Variants in ELOA2 observed in about 807,000 individuals in gnomAD.
ELOA2 encodes elongin-A2.
For missense variants in ELOA2, 1,271 were observed against 979.7 expected, an observed-to-expected ratio of 1.30 and a Z score of -3.97; for synonymous variants, 497 against 398.8, an observed-to-expected ratio of 1.25 and a Z score of -2.94.
rs1429070997 is a variant in ELOA2, at chr18:47,033,434, G to A, written c.1831C>T (p.Leu611Phe). 3.7e-6 allele frequency: 6 copies of A among 1,613,808 alleles called. No individual in the cohort carries two copies. The highest frequency in any genetic ancestry group is 4.2e-6 in the Non-Finnish European group (5 of 1,180,032). ...AGCCGCTGCTCTGGGGCGTCCGGAA[G>A]CCGCAGGTACTGCTCCCTCCAAGTT... The part of the protein sequence containing the change: ...NKTWREQYLR[L>F]PDAPEQRLRV... The change falls in exon 1 of 1, where the codon CTT (leucine) becomes TTT (phenylalanine). Residue 611 changes from leucine to phenylalanine, a missense_variant. Leu to Phe is a conservative substitution (Grantham distance 22). Transcript: ENST00000332567.
Position 47,034,817 on chromosome 18 carries a change from C to G in ELOA2, c.448G>C (p.Glu150Gln). The G allele has an allele frequency of 6.2e-7, 1 of 1,612,146 alleles. No individual in the cohort carries two copies. The highest frequency in any genetic ancestry group is 8.5e-7 in the Non-Finnish European group (1 of 1,179,696). The change falls in exon 1 of 1, where the codon GAG becomes CAG. Residue 150 changes from glutamate to glutamine, a missense_variant. By Grantham distance (29) the Glu-to-Gln change is conservative. Transcript: ENST00000332567. Reference sequence around the variant, plus strand: ...GGGCACTTTCTCTCAGCTCTGGGCTCGCGACTGTGAGACCTCGGGTGAGGT... The same window carrying G: ...GGGCACTTTCTCTCAGCTCTGGGCTGGCGACTGTGAGACCTCGGGTGAGGT... The part of the protein sequence containing the change: ...QRPHPRSHSR[E>Q]PRAERKCPRI...
rs1237933015 is a variant in ELOA2 at position 47,035,414 on chromosome 18, G to A, written c.-150C>T. The A allele has an allele frequency of 4.1e-6, 6 of 1,469,120 alleles. No homozygotes were observed. In the African/African-American group the frequency reaches 5.7e-5, roughly 14 times the overall value. 91.0% of individuals were successfully genotyped at this position (1,469,120 alleles called of 1,614,324 possible). A position where few individuals can be genotyped will look rare whatever the true frequency, so the allele number is the denominator to read the frequency against. ...GGAGTCACAGCCTGGAGCGAGCTGGGTCCTCGGAGCAGCAGGCCACTTGGT... is the reference window on the plus strand; with the variant it reads ...GGAGTCACAGCCTGGAGCGAGCTGGATCCTCGGAGCAGCAGGCCACTTGGT... On this transcript the variant is annotated 5_prime_UTR_variant, in exon 1 of 1. Coordinates refer to ENST00000332567, the MANE Select transcript of ELOA2 (RefSeq NM_016427.3).
In ELOA2 at chr18:47,033,990, A is replaced by C. The variant is rs771502117; in HGVS notation, c.1275T>G (p.Asp425Glu). ...GGACAGGAGGCAATTTCTTAGCCGA[A>C]TCCCAGGACTCACGAGTGCCCTTGG... Reference protein sequence around the residue: ...NESKGTRESWDSAKKLPPVQE... With the variant: ...NESKGTRESWESAKKLPPVQE... The change falls in exon 1 of 1, where the codon GAT (aspartate) becomes GAG (glutamate). Residue 425 changes from aspartate to glutamate, a missense_variant. By Grantham distance (45) the Asp-to-Glu change is conservative. Coordinates refer to ENST00000332567, the MANE Select transcript of ELOA2 (RefSeq NM_016427.3). 2.2e-5 allele frequency: 35 copies of C among 1,613,672 alleles called. 1 individual carries two copies. The highest frequency in any genetic ancestry group is 2.8e-5 in the Non-Finnish European group (33 of 1,180,050).
rs768240059 is a variant in ELOA2 at position 47,033,915 on chromosome 18, C to T, written c.1350G>A (p.Gly450=). The change falls in exon 1 of 1, where the codon GGG becomes GGA. Residue 450 remains glycine (G), a synonymous_variant. Transcript: ENST00000332567. ...RLQAAGADSA[G]PKTVPSHVFS... Reference sequence around the variant, plus strand: ...AGACATGGCTGGGCACCGTTTTCGGCCCGGCGGAATCAGCGCCGGCCGCCT... The same window carrying T: ...AGACATGGCTGGGCACCGTTTTCGGTCCGGCGGAATCAGCGCCGGCCGCCT... 8 of 1,613,064 alleles carry T rather than the reference C, an allele frequency of 5.0e-6. No individual in the cohort carries two copies. Among genetic ancestry groups the T allele is most frequent in the Non-Finnish European group, 6.8e-6 (8 of 1,180,006 alleles).
chr18:47,033,192 G>A lies in ELOA2; in HGVS notation c.2073C>T (p.Ser691=). 1.9e-6 allele frequency: 3 copies of A among 1,614,082 alleles called. No homozygotes were observed. Among genetic ancestry groups the A allele is most frequent in the Non-Finnish European group, 2.5e-6 (3 of 1,180,034 alleles). ...TGCTGCTGCTGTCTCTGCCACCGCC[G>A]CTGCTGCTCTGGCTGGAGGGAGTGT... ...SSHTPSSQSS[S]GGGRDSSSSI... Residue 691 remains serine (S), a synonymous_variant, in exon 1 of 1, where the codon AGC becomes AGT. Coordinates refer to ENST00000332567, the MANE Select transcript of ELOA2 (RefSeq NM_016427.3).
At position 47,035,450 on chromosome 18, in the gene ELOA2, C is replaced by G. The variant is rs748203673; in HGVS notation, c.-186G>C. 320 of 1,313,266 alleles carry G rather than the reference C, an allele frequency of 2.4e-4. No individual in the cohort carries two copies. The highest frequency in any genetic ancestry group is 3.0e-4 in the Non-Finnish European group (295 of 971,632). 81.4% of individuals were successfully genotyped at this position (1,313,266 alleles called of 1,614,324 possible). Reference sequence around the variant, plus strand: ...AGCAGGCCACTTGGTCTGGAACGGCCGTCCTTGCAGACAGCTGAGCAGGCC... The same window carrying G: ...AGCAGGCCACTTGGTCTGGAACGGCGGTCCTTGCAGACAGCTGAGCAGGCC... On this transcript the variant is annotated 5_prime_UTR_variant, in exon 1 of 1. Coordinates refer to ENST00000332567, the MANE Select transcript of ELOA2 (RefSeq NM_016427.3).
Position 47,035,259 on chromosome 18 carries a change from C to T in ELOA2, c.6G>A (p.Ala2=), listed in dbSNP as rs61746775. The change falls in exon 1 of 1, where the codon GCG becomes GCA. Residue 2 remains alanine (A), a synonymous_variant. Transcript: ENST00000332567. ...CTGCGTGCAGCGTAGTGGACCCTGC[C>T]GCCATCTCACCAGAGCTGTGCAGGC... M[A]AGSTTLHAVE... is the part of the protein sequence containing the mutation. 116,517 of 1,612,590 alleles carry T rather than the reference C, an allele frequency of 0.072. 4,655 individuals carry two copies. The highest frequency in any genetic ancestry group is 0.083 in the Non-Finnish European group (97,775 of 1,179,752).
At chr18:47,033,860 AG>A in the ELOA2 span, 1 of 1,614,030 alleles carries the variant, frequency 6.2e-7, no homozygotes. Flanking sequence ...GCCTGCATCC[AG>A]GCCTCTGAGA....
In ELOA2 at chr18:47,035,398, G is replaced by A; in HGVS notation, c.-134C>T. On this transcript the variant is annotated 5_prime_UTR_variant, in exon 1 of 1. Coordinates refer to ENST00000332567, the MANE Select transcript of ELOA2 (RefSeq NM_016427.3). The stretch of plus-strand genomic sequence containing the variant: ...AGCGACCTCGGGATGTGGAGTCACA[G>A]CCTGGAGCGAGCTGGGTCCTCGGAG... 1.3e-6 allele frequency: 2 copies of A among 1,503,568 alleles called. No homozygotes were observed. Among genetic ancestry groups the A allele is most frequent in the East Asian group, 2.4e-5 (1 of 41,566 alleles). The allele number at this position is 1,503,568 out of a possible 1,614,324, so 93.1% of individuals were successfully genotyped here. A position where few individuals can be genotyped will look rare whatever the true frequency, so the allele number is the denominator to read the frequency against.
chr18:47,034,152 A>T lies in ELOA2; in HGVS notation c.1113T>A (p.Asp371Glu). 6.2e-7 allele frequency: 1 copy of T among 1,614,206 alleles called. No homozygotes were observed. The highest frequency in any genetic ancestry group is 8.5e-7 in the Non-Finnish European group (1 of 1,180,036). ...TGGGCTGCTCGAATTCCTCAGCCAT[A>T]TCTACCTCCTCCACCTCAGAGAGGG... Reference protein sequence around the residue: ...VSSLSEVEEVDMAEEFEQPTL... With the variant: ...VSSLSEVEEVEMAEEFEQPTL... Residue 371 changes from aspartate (D) to glutamate (E), a missense_variant, in exon 1 of 1, where the codon GAT (aspartate) becomes GAA (glutamate). Asp to Glu is a conservative substitution (Grantham distance 45). Transcript: ENST00000332567.
Position 47,035,036 on chromosome 18 carries a change from C to T in ELOA2, c.229G>A (p.Val77Met). 1.2e-6 allele frequency: 2 copies of T among 1,611,838 alleles called. No individual in the cohort carries two copies. The highest frequency in any genetic ancestry group is 1.7e-6 in the Non-Finnish European group (2 of 1,179,736). Residue 77 changes from valine to methionine, a missense_variant, in exon 1 of 1, where the codon GTG (valine) becomes ATG (methionine). Coordinates refer to ENST00000332567, the MANE Select transcript of ELOA2 (RefSeq NM_016427.3). Reference sequence around the variant, plus strand: ...GGCCGGGTGTTTCGGTCCACGAGCACCAGCTTCTTCCACCGGGCCGCTAAG... The same window carrying T: ...GGCCGGGTGTTTCGGTCCACGAGCATCAGCTTCTTCCACCGGGCCGCTAAG... Reference protein sequence around the residue: ...RDLAARWKKLVLVDRNTRPGP... With the variant: ...RDLAARWKKLMLVDRNTRPGP...
Position 47,034,639 on chromosome 18 carries a change from G to A in ELOA2, c.626C>T (p.Pro209Leu). Reference protein sequence around the residue: ...HAAQGGPLLCPGCQGQPQGKA... With the variant: ...HAAQGGPLLCLGCQGQPQGKA... ...CCCCTGGGGTTGGCCCTGGCAGCCT[G>A]GACACAGCAGAGGCCCGCCCTGAGC... The change falls in exon 1 of 1, where the codon CCA (proline) becomes CTA (leucine). Residue 209 changes from proline to leucine, a missense_variant. Transcript: ENST00000332567. 2 of 1,614,044 alleles carry A rather than the reference G, an allele frequency of 1.2e-6. No homozygotes were observed. The highest frequency in any genetic ancestry group is 1.7e-5 in the Admixed American group (1 of 60,030).
chr18:47,032,860 C>T lies in ELOA2; in HGVS notation c.*143G>A, dbSNP rs966303159. On this transcript the variant is annotated 3_prime_UTR_variant, in exon 1 of 1. Transcript: ENST00000332567. ...GGGAGGCAAAATCACAGGGCCAGCA[C>T]ATGACACCTGCAGAATTCAAAGGCT... 9.2e-6 allele frequency: 14 copies of T among 1,516,270 alleles called. No individual in the cohort carries two copies. The Middle Eastern group carries it at 1.2e-3, about 131-fold the overall frequency. The allele number at this position is 1,516,270 out of a possible 1,614,324, so 93.9% of individuals were successfully genotyped here.
In ELOA2 at chr18:47,033,883, T is replaced by A. The variant is rs1336613685; in HGVS notation, c.1382A>T (p.Glu461Val). The A allele has an allele frequency of 6.2e-7, 1 of 1,613,772 alleles. No homozygotes were observed. Among genetic ancestry groups the A allele is most frequent in the Admixed American group, 1.7e-5 (1 of 60,020 alleles). Residue 461 changes from glutamate to valine, a missense_variant, in exon 1 of 1, where the codon GAG becomes GTG. Transcript: ENST00000332567. ...CCAGGCCTCTGAGAGGTCCCAGAGC[T>A]CTGAGAAGACATGGCTGGGCACCGT... ...PKTVPSHVFS[E>V]LWDLSEAWMQ...
Position 47,032,663 on chromosome 18 carries a change from GAAAA to G in ELOA2, c.*336_*339del, listed in dbSNP as rs60364237. On this transcript the variant is annotated 3_prime_UTR_variant, in exon 1 of 1. Coordinates refer to ENST00000332567, the MANE Select transcript of ELOA2 (RefSeq NM_016427.3). ...AAGAAGTTCTTATCTACTTGATTTC[GAAAA>G]AAAAAAGAAAGGAAAAAGGAAATCT... 2 of 330,948 alleles carry G rather than the reference GAAAA, an allele frequency of 6.0e-6. No homozygotes were observed. The highest frequency in any genetic ancestry group is 1.1e-5 in the Non-Finnish European group (2 of 182,944). 20.5% of individuals were successfully genotyped at this position (330,948 alleles called of 1,614,324 possible).
At position 47,033,192 on chromosome 18, in the gene ELOA2, G is replaced by T. The variant is rs2060567607; in HGVS notation, c.2073C>A (p.Ser691Arg). The T allele has an allele frequency of 6.2e-7, 1 of 1,614,082 alleles. No individual in the cohort carries two copies. The highest frequency in any genetic ancestry group is 2.2e-5 in the East Asian group (1 of 44,878). The change falls in exon 1 of 1, where the codon AGC becomes AGA. Residue 691 changes from serine (S) to arginine (R), a missense_variant. Transcript: ENST00000332567. ...SSHTPSSQSS[S>R]GGGRDSSSSI... The stretch of plus-strand genomic sequence containing the variant: ...TGCTGCTGCTGTCTCTGCCACCGCC[G>T]CTGCTGCTCTGGCTGGAGGGAGTGT...
the ELOA2 span, chr18:47,033,734 T>A: frequency 6.2e-7 from 1 of 1,614,158 alleles, no homozygotes; most frequent in South Asian, 1.1e-5. Context: ...ACCGGCATCT[T>A]AGCATTCACT....
chr18:47,034,977 T>A lies in ELOA2; in HGVS notation c.288A>T (p.Arg96=). The change falls in exon 1 of 1, where the codon CGA becomes CGT. Residue 96 remains arginine (R), a synonymous_variant. Coordinates refer to ENST00000332567, the MANE Select transcript of ELOA2 (RefSeq NM_016427.3). Reference sequence around the variant, plus strand: ...CCTGAAGAGCCTCCCCGAAGCGCTGTCGGGAAGCGCTCTCCTCAGGGTCCT... The same window carrying A: ...CCTGAAGAGCCTCCCCGAAGCGCTGACGGGAAGCGCTCTCCTCAGGGTCCT... ...GPQDPEESAS[R]QRFGEALQDQ... is the part of the protein sequence containing the mutation. 6.2e-7 allele frequency: 1 copy of A among 1,611,636 alleles called. No individual in the cohort carries two copies. The highest frequency in any genetic ancestry group is 1.1e-5 in the South Asian group (1 of 90,968).
Position 47,035,347 on chromosome 18 carries a change from C to T in ELOA2, c.-83G>A, listed in dbSNP as rs1286517914. ...TGCGGGACAGGAAGTCTGGGGTGGC[C>T]GGTCCTCGCTGCCCGGTCGCCAGGC... is the stretch of plus-strand genomic sequence containing the variant. On this transcript the variant is annotated 5_prime_UTR_variant, in exon 1 of 1. Coordinates refer to ENST00000332567, the MANE Select transcript of ELOA2 (RefSeq NM_016427.3). The T allele has an allele frequency of 2.5e-6, 4 of 1,599,418 alleles. No homozygotes were observed. The highest frequency in any genetic ancestry group is 1.1e-5 in the South Asian group (1 of 90,010).
Sources: gnomAD v4.1 joint callset for allele counts on GRCh38, gnomAD v4.1.1 for gene constraint, MANE v1.5 for transcripts, NCBI Gene and HGNC (gene_info 2026-07-23, HGNC 2026-07-21) for gene names.